Variants in GSG1L observed in about 807,000 individuals in gnomAD.
The protein encoded by GSG1L is germ cell-specific gene 1-like protein.
A neutral mutation model predicts 42.1 loss-of-function variants in GSG1L; 24 were observed. That is an observed-to-expected ratio of 0.57 (90% confidence interval 0.41 to 0.80). GSG1L has a LOEUF of 0.80. Among genes scored for constraint, GSG1L ranks in the 30% least tolerant of loss-of-function variants. GSG1L has a pLI of 0.00. For synonymous variants in GSG1L, 215 were observed against 203.5 expected, an observed-to-expected ratio of 1.06 and a Z score of -0.48; for missense variants, 445 against 472.2, an observed-to-expected ratio of 0.94 and a Z score of 0.53.
intron 1 of GSG1L, among the ~76,000 whole-genome samples, chr16:28,016,355 C>T (rs2085780118): frequency 6.6e-6 from 1 of 152,206 alleles, no homozygotes; most frequent in Non-Finnish European, 1.5e-5. Flanking sequence ...CCTGGACCTA[C>T]ATCTCTGAGG....
chr16:27,954,279 C>T (rs1340032587), intron 2 of GSG1L, among the ~76,000 whole-genome samples: 1 of 151,556 alleles, frequency 6.6e-6, no homozygotes, highest in Non-Finnish European at 1.5e-5. Flanking sequence ...CAAGAGATAA[C>T]AATAGAAAAA....
At chr16:27,947,789 C>T (rs1596638464) in intron 2 of GSG1L, among the ~76,000 whole-genome samples, 1 of 152,152 alleles carries the variant, frequency 6.6e-6, no homozygotes, top group Non-Finnish European at 1.5e-5. Context: ...TCCATGGCAG[C>T]CACAAAGAGT....
chr16:28,046,030 C>A (rs576666382), intron 1 of GSG1L, among the ~76,000 whole-genome samples: 1 of 152,148 alleles, frequency 6.6e-6, no homozygotes, highest in South Asian at 2.1e-4. Context: ...ATTAAAGACC[C>A]AACATTTATA....
chr16:27,844,906 G>A (rs1479123273), intron 4 of GSG1L, 44 bp downstream of exon 4: 1 of 1,243,032 alleles, frequency 8.0e-7, no homozygotes, highest in Non-Finnish European at 1.2e-6. Context: ...GCGTGCCTTG[G>A]GCCCTGGTGC....
chr16:27,913,380 AG>A (rs1230033208), intron 2 of GSG1L, among the ~76,000 whole-genome samples: 4 of 152,214 alleles, frequency 2.6e-5, no homozygotes, highest in Non-Finnish European at 5.9e-5. Context: ...AGGAATCCAA[AG>A]CTAATGGTAA....
At chr16:27,982,245 A>G (rs2141126668) in intron 1 of GSG1L, among the ~76,000 whole-genome samples, 1 of 152,338 alleles carries the variant, frequency 6.6e-6, no homozygotes, top group Non-Finnish European at 1.5e-5. Context: ...ACGCACCTGT[A>G]GCCCTAGCAA....
At chr16:27,882,814 T>C (rs1288577107) in intron 3 of GSG1L, among the ~76,000 whole-genome samples, 2 of 152,068 alleles carry the variant, frequency 1.3e-5, no homozygotes, top group African/African-American at 4.8e-5. Context: ...CTCCACAAGA[T>C]CACAAACTTG....
intron 3 of GSG1L, among the ~76,000 whole-genome samples, chr16:27,874,599 G>A (rs2083864327): frequency 6.6e-6 from 1 of 151,844 alleles, no homozygotes; most frequent in African/African-American, 2.4e-5. Context: ...ATAGGTGTGT[G>A]CCACCATGCC....
At chr16:28,020,078 A>C (rs2085822841) in intron 1 of GSG1L, among the ~76,000 whole-genome samples, 1 of 152,204 alleles carries the variant, frequency 6.6e-6, no homozygotes, top group East Asian at 1.9e-4. Context: ...CCACTCTCTC[A>C]TCAATGCCTT....
chr16:27,794,633 A>G (rs2082797756), intron 6 of GSG1L, among the ~76,000 whole-genome samples: 3 of 152,106 alleles, frequency 2.0e-5, no homozygotes, highest in Non-Finnish European at 4.4e-5. Flanking sequence ...GCCCGGCCCA[A>G]AACTTTCAAA....
intron 3 of GSG1L, chr16:27,850,524 A>G (rs976446955): frequency 2.2e-6 from 1 of 455,866 alleles, no homozygotes. Flanking sequence ...TCCCAGGATG[A>G]AGCCAACATC....
chr16:27,978,690 CAAA>C (rs11409403), intron 1 of GSG1L, among the ~76,000 whole-genome samples: 4 of 90,118 alleles, frequency 4.4e-5, no homozygotes, highest in South Asian at 3.6e-4. Context: ...GACTCCATCT[CAAA>C]AAAAAAAAAA....
intron 3 of GSG1L, among the ~76,000 whole-genome samples, chr16:27,871,041 A>T (rs117309691): frequency 6.8e-6 from 1 of 147,392 alleles, no homozygotes; most frequent in Admixed American, 6.6e-5. Flanking sequence ...CTAGCCTGGC[A>T]TCCAAGTCCA....
intron 2 of GSG1L, among the ~76,000 whole-genome samples, chr16:27,906,191 A>G (rs1441868118): frequency 3.9e-5 from 6 of 152,240 alleles, no homozygotes; most frequent in Non-Finnish European, 8.8e-5. Flanking sequence ...CAACGTAGTT[A>G]AAATCCTATG....
At chr16:27,797,842 AAG>A (rs1390134852) in intron 6 of GSG1L, among the ~76,000 whole-genome samples, 13 of 137,656 alleles carry the variant, frequency 9.4e-5, no homozygotes, top group Non-Finnish European at 1.6e-4. Flanking sequence ...AAAAAAAAAA[AAG>A]AGAGAGAGAG....
At chr16:27,886,494 G>A (rs1474734945) in intron 2 of GSG1L, among the ~76,000 whole-genome samples, 5 of 152,206 alleles carry the variant, frequency 3.3e-5, no homozygotes, top group African/African-American at 1.2e-4. Context: ...GTGTTGTGGT[G>A]ATGTGAGGAT....
At chr16:27,913,863 C>A (rs568300433) in intron 2 of GSG1L, among the ~76,000 whole-genome samples, 48 of 152,132 alleles carry the variant, frequency 3.2e-4, no homozygotes, top group African/African-American at 1.1e-3. Context: ...TACGTATTTT[C>A]TAATTTAAAA....
intron 6 of GSG1L, among the ~76,000 whole-genome samples, chr16:27,801,681 C>T (rs1386208236): frequency 6.6e-6 from 1 of 152,166 alleles, no homozygotes; most frequent in East Asian, 1.9e-4. Flanking sequence ...TGGAGGCACC[C>T]CACATCCTCA....
chr16:27,933,846 G>T (rs1164748431), intron 2 of GSG1L, among the ~76,000 whole-genome samples: 1 of 152,146 alleles, frequency 6.6e-6, no homozygotes, highest in African/African-American at 2.4e-5. Flanking sequence ...TTCGGAAACA[G>T]GCCTGAGGTC....
Sources: gnomAD v4.1 joint callset for allele counts (sites outside exome capture counted in the v4.1 genomes callset) on GRCh38, gnomAD v4.1.1 for gene constraint, MANE v1.5 for transcripts, NCBI Gene and HGNC (gene_info 2026-07-23, HGNC 2026-07-21) for gene names.